RHCE: variants seen among roughly 807,000 people sequenced by gnomAD.
RHCE encodes the protein blood group Rh(CE) polypeptide.
RHCE carries 22 observed loss-of-function variants against 43.8 expected under a neutral mutation model. The observed-to-expected ratio is 0.50, with a 90% CI of 0.36 to 0.72. The LOEUF is 0.72. Among genes scored for constraint, RHCE ranks in the 30% least tolerant of loss-of-function variants. The pLI is 0.00. For synonymous variants in RHCE, 156 were observed against 210.7 expected, an observed-to-expected ratio of 0.74 and a Z score of 2.25; for missense variants, 385 against 525.4, an observed-to-expected ratio of 0.73 and a Z score of 2.61.
Position 25,370,381 on chromosome 1 carries a change from T to A in RHCE, c.1227+86A>T, listed in dbSNP as rs563735282. The A allele has an allele frequency of 7.8e-5, 93 of 1,190,966 alleles. 3 individuals carry two copies. In the African/African-American group the frequency reaches 1.3e-3, roughly 16 times the overall value. 73.8% of individuals were successfully genotyped at this position (1,190,966 alleles called of 1,614,324 possible). The stretch of plus-strand genomic sequence containing the variant: ...TCCATTTTTGTTTTTGTTTTACTCA[T>A]AAACAGCAAGTCAACATATATACCC... On this transcript the variant is annotated intron_variant, in intron 9 of 9. Transcript: ENST00000294413.
chr1:25,376,154 T>C (rs1417540852), intron 7 of RHCE, among the ~76,000 whole-genome samples: 2 of 152,056 alleles, frequency 1.3e-5, no homozygotes, highest in African/African-American at 4.8e-5. Context: ...GCAAGGTGGG[T>C]GGGGTAGAGC....
intron 2 of RHCE, among the ~76,000 whole-genome samples, chr1:25,428,670 T>C (rs2042824183): frequency 6.6e-6 from 1 of 152,202 alleles, no homozygotes; most frequent in African/African-American, 2.4e-5. Context: ...GGAAACAGAC[T>C]GTGAGAGATT....
At chr1:25,417,156 A>C (rs623848) in intron 1 of RHCE, among the ~76,000 whole-genome samples, 4 of 152,056 alleles carry the variant, frequency 2.6e-5, no homozygotes, top group South Asian at 4.1e-4. Flanking sequence ...AACAAAAAAA[A>C]AACCCACCAT....
At chr1:25,426,430 A>G (rs1411855844) in intron 2 of RHCE, among the ~76,000 whole-genome samples, 5 of 152,200 alleles carry the variant, frequency 3.3e-5, no homozygotes, top group Non-Finnish European at 7.3e-5. Flanking sequence ...ACAATATAAC[A>G]TGGTGGTTAA....
chr1:25,429,676 T>A (rs967918102), intron 1 of RHCE, among the ~76,000 whole-genome samples: 1 of 152,198 alleles, frequency 6.6e-6, no homozygotes, highest in Non-Finnish European at 1.5e-5. Flanking sequence ...ATAGCAATAG[T>A]AACATTATCA....
intron 3 of RHCE, among the ~76,000 whole-genome samples, chr1:25,393,784 C>A (rs1259924998): frequency 6.6e-6 from 1 of 151,820 alleles, no homozygotes; most frequent in Admixed American, 6.6e-5. Context: ...TGCACTCCTC[C>A]ACTTGCTCAT....
chr1:25,427,056 CAA>C (rs57239579), intron 2 of RHCE, among the ~76,000 whole-genome samples: 2 of 135,908 alleles, frequency 1.5e-5, no homozygotes, highest in African/African-American at 2.6e-5. Flanking sequence ...GACTCCATCT[CAA>C]AAAAAAAAAA....
At chr1:25,392,267 T>G (rs1009080990) in intron 3 of RHCE, 126 bp from the exon 4 acceptor site, 146 of 1,517,950 alleles carry the variant, frequency 9.6e-5, no homozygotes, top group Non-Finnish European at 1.3e-4. Context: ...GAGACTGGTG[T>G]TCAGAGCTTA....
At chr1:25,403,868 T>A (rs1646831372) in intron 2 of RHCE, among the ~76,000 whole-genome samples, 1 of 151,884 alleles carries the variant, frequency 6.6e-6, no homozygotes, top group Non-Finnish European at 1.5e-5. Flanking sequence ...TCACCTCTTT[T>A]AAATTTTAAC....
chr1:25,401,842 G>GTATC (rs367680262), intron 3 of RHCE, among the ~76,000 whole-genome samples: 11 of 150,072 alleles, frequency 7.3e-5, no homozygotes, highest in African/African-American at 1.0e-4. Context: ...CCTCATTTGG[G>GTATC]TATCTATCTA....
intron 7 of RHCE, among the ~76,000 whole-genome samples, chr1:25,376,589 A>G (rs1645794326): frequency 6.6e-6 from 1 of 152,204 alleles, no homozygotes; most frequent in Admixed American, 6.5e-5. Context: ...AGGAGAGTGG[A>G]GAGAATTAAA....
intron 1 of RHCE, among the ~76,000 whole-genome samples, chr1:25,412,001 A>G (rs1237845244): frequency 6.6e-6 from 1 of 152,208 alleles, no homozygotes; most frequent in East Asian, 1.9e-4. Flanking sequence ...GGGACCAGAG[A>G]GAGCCTGTGA....
At chr1:25,368,782 G>C (rs1405903652) in intron 9 of RHCE, among the ~76,000 whole-genome samples, 1 of 150,940 alleles carries the variant, frequency 6.6e-6, no homozygotes, top group South Asian at 2.1e-4. Context: ...TGTTTTTGAG[G>C]CAAAGTCTCG....
chr1:25,378,783 C>T (rs1405378762), intron 7 of RHCE, among the ~76,000 whole-genome samples: 6 of 152,212 alleles, frequency 3.9e-5, no homozygotes, highest in Admixed American at 6.5e-5. Context: ...CCCTGCAAGA[C>T]GTGTTCTGCC....
intron 6 of RHCE, among the ~76,000 whole-genome samples, chr1:25,387,995 A>G (rs898710082): frequency 2.0e-5 from 3 of 151,686 alleles, no homozygotes; most frequent in African/African-American, 7.3e-5. Flanking sequence ...TAATTTTTGT[A>G]CTTTTAGTAG....
intron 3 of RHCE, among the ~76,000 whole-genome samples, chr1:25,394,806 C>T (rs1229106584): frequency 6.6e-6 from 1 of 152,118 alleles, no homozygotes; most frequent in Non-Finnish European, 1.5e-5. Context: ...TGAGCTCCAC[C>T]AGGAAGGACT....
intron 1 of RHCE, among the ~76,000 whole-genome samples, chr1:25,415,757 G>A (rs2124531364): frequency 6.6e-6 from 1 of 151,690 alleles, no homozygotes; most frequent in East Asian, 1.9e-4. Context: ...TCTGACAGAA[G>A]TAGAAACAGA....
intron 1 of RHCE, among the ~76,000 whole-genome samples, chr1:25,412,715 TAAAAAAA>T (rs1165784820): frequency 8.6e-6 from 1 of 116,578 alleles, no homozygotes; most frequent in Admixed American, 9.6e-5. Flanking sequence ...ACCCTTTTTT[TAAAAAAA>T]AAAAAAAAAA....
intron 1 of RHCE, among the ~76,000 whole-genome samples, chr1:25,415,644 C>CT (rs1372004015): frequency 6.6e-6 from 1 of 151,822 alleles, no homozygotes; most frequent in Non-Finnish European, 1.5e-5. Context: ...GAGCAAAACT[C>CT]TGTCTCAAAA....
Sources: allele counts gnomAD v4.1 joint callset (sites outside exome capture counted in the v4.1 genomes callset), GRCh38; gene constraint gnomAD v4.1.1; transcripts MANE v1.5; gene names NCBI Gene and HGNC (gene_info 2026-07-23, HGNC 2026-07-21).